SUN5: variants seen among roughly 807,000 people sequenced by gnomAD.
The protein encoded by SUN5 is SUN domain-containing protein 5.
Under a neutral mutation model 53.7 loss-of-function variants are expected in SUN5, and 44 were observed. The observed-to-expected ratio is 0.82, with a 90% CI of 0.64 to 1.05. SUN5 has a LOEUF of 1.05. Ranked by LOEUF, SUN5 falls within the 50% of genes least tolerant of loss-of-function variation. The pLI, the probability that SUN5 is intolerant of heterozygous loss-of-function variation, is 0.00. For synonymous variants in SUN5, 166 were observed against 179.8 expected (o/e 0.92, Z 0.62); for missense variants, 433 against 483.8 (o/e 0.90, Z 0.98).
chr20:33,002,357 ACTC>A (rs1458243782), intron 3 of SUN5, among the ~76,000 whole-genome samples: 14 of 151,686 alleles, frequency 9.2e-5, no homozygotes, highest in African/African-American at 3.4e-4. Context: ...TTGGCAGTTA[ACTC>A]CTCCTCCAGA....
Position 32,989,700 on chromosome 20 carries a change from T to C in SUN5, c.535-2A>G. Reference sequence around the variant, plus strand: ...CATTATTTTCTGGGCCATTTTTTGCTGAAAAGGCAGAAAACACAAGTTGTG... The same window carrying C: ...CATTATTTTCTGGGCCATTTTTTGCCGAAAAGGCAGAAAACACAAGTTGTG... On this transcript the variant is annotated splice_acceptor_variant, in intron 8 of 12. Coordinates refer to ENST00000356173, the MANE Select transcript of SUN5 (RefSeq NM_080675.4). LOFTEE classifies it high-confidence loss of function. 1 of 1,613,908 alleles carries C rather than the reference T, an allele frequency of 6.2e-7. No individual in the cohort carries two copies. Among genetic ancestry groups the C allele is most frequent in the Non-Finnish European group, 8.5e-7 (1 of 1,179,870 alleles).
At chr20:33,000,258 G>C in intron 4 of SUN5, 123 bp from the exon 5 acceptor site, 1 of 1,174,794 alleles carries the variant, frequency 8.5e-7, no homozygotes, top group Non-Finnish European at 1.2e-6. Flanking sequence ...TTCTCTCCCT[G>C]GTAAACGTGT....
At chr20:33,000,843 TAAA>T (rs538864856) in intron 4 of SUN5, among the ~76,000 whole-genome samples, 8 of 107,250 alleles carry the variant, frequency 7.5e-5, no homozygotes, top group African/African-American at 1.6e-4. Context: ...AAACCCTGTC[TAAA>T]AAAAAAAAAA....
chr20:32,988,321 G>C (rs1989604963), intron 9 of SUN5, among the ~76,000 whole-genome samples: 1 of 152,170 alleles, frequency 6.6e-6, no homozygotes, highest in South Asian at 2.1e-4. Flanking sequence ...GCGTCTCACT[G>C]ATCCTGGGGG....
At chr20:33,004,198 A>C in intron 1 of SUN5, 66 bp downstream of exon 1, 1 of 1,460,036 alleles carries the variant, frequency 6.8e-7, no homozygotes, top group Non-Finnish European at 9.2e-7. Context: ...CTCCAAGGAC[A>C]GGGTGGAGGG....
chr20:32,995,575 CAA>C (rs754482834), intron 8 of SUN5, 42 bp downstream of exon 8: 7 of 1,550,284 alleles, frequency 4.5e-6, no homozygotes, highest in Non-Finnish European at 5.3e-6. Flanking sequence ...GGACATCAAA[CAA>C]AGAGAAATTA....
chr20:32,985,279 G>A (rs954287717), intron 11 of SUN5, 94 bp from the exon 12 acceptor site: 5 of 1,138,994 alleles, frequency 4.4e-6, no homozygotes, highest in Non-Finnish European at 6.5e-6. Context: ...CACTCCCCAG[G>A]ATGGGAGCTC....
In SUN5 at chr20:32,989,663, G is replaced by A. The variant is rs150666576; in HGVS notation, c.570C>T (p.His190=). 56 of 1,613,844 alleles carry A rather than the reference G, an allele frequency of 3.5e-5. No individual in the cohort carries two copies. The highest frequency in any genetic ancestry group is 1.6e-4 in the Middle Eastern group (1 of 6,084). ...KMAQKIMKMI[H]GDYIEKPDFA... ...AGTCTGGCTTTTCGATGTAATCTCC[G>A]TGTATCATCTTCATTATTTTCTGGG... The change falls in exon 9 of 13, where the codon CAC becomes CAT. Residue 190 remains histidine (H), a synonymous_variant. Transcript: ENST00000356173.
At chr20:32,990,040 C>G (rs935086918) in intron 8 of SUN5, among the ~76,000 whole-genome samples, 7 of 152,140 alleles carry the variant, frequency 4.6e-5, no homozygotes, top group African/African-American at 1.7e-4. Flanking sequence ...ATATTCTCAC[C>G]TGTAAGACGG....
At chr20:32,995,819 A>C (rs1343033375) in intron 7 of SUN5, 92 bp from the exon 8 acceptor site, 1 of 1,172,350 alleles carries the variant, frequency 8.5e-7, no homozygotes, top group Non-Finnish European at 1.3e-6. Flanking sequence ...GCTCTCAAAG[A>C]ATGAGTTTCA....
At chr20:33,001,185 C>T in intron 4 of SUN5, 27 bp downstream of exon 4, 1 of 1,560,000 alleles carries the variant, frequency 6.4e-7, no homozygotes, top group African/African-American at 1.4e-5. Flanking sequence ...ACTCCCCATC[C>T]ACCCTCCCCC....
intron 7 of SUN5, 106 bp downstream of exon 7, chr20:32,996,218 G>T: frequency 8.5e-7 from 1 of 1,176,534 alleles, no homozygotes; most frequent in Non-Finnish European, 1.2e-6. Context: ...TTTAAACCCA[G>T]GTTGATCTGA....
At chr20:32,997,554 A>C in intron 6 of SUN5, 84 bp downstream of exon 6, 4 of 1,496,518 alleles carry the variant, frequency 2.7e-6, no homozygotes, top group Non-Finnish European at 3.7e-6. Context: ...CCATTTGGTG[A>C]GAATGAATGG....
At chr20:32,999,983 T>C in intron 5 of SUN5, 91 bp downstream of exon 5, 1 of 1,562,378 alleles carries the variant, frequency 6.4e-7, no homozygotes, top group Non-Finnish European at 8.7e-7. Context: ...CTGAGTCACG[T>C]GGCAGTGCAG....
intron 12 of SUN5, 103 bp from the exon 13 acceptor site, chr20:32,984,052 A>C: frequency 1.4e-6 from 2 of 1,402,052 alleles, no homozygotes; most frequent in Non-Finnish European, 1.9e-6. Context: ...TAGGTGGGAA[A>C]ACTAAGGCCC....
intron 5 of SUN5, among the ~76,000 whole-genome samples, chr20:32,999,153 C>CT (rs1171993285): frequency 4.6e-5 from 7 of 152,156 alleles, no homozygotes. Flanking sequence ...GGTTAGGTGT[C>CT]TTGCCTTGTG....
chr20:32,987,650 TC>T lies in SUN5; in HGVS notation c.729+9del, dbSNP rs763144762. 2 of 1,487,202 alleles carry T rather than the reference TC, an allele frequency of 1.3e-6. No homozygotes were observed. Among genetic ancestry groups the T allele is most frequent in the Non-Finnish European group, 9.1e-7 (1 of 1,102,202 alleles). 92.1% of individuals were successfully genotyped at this position (1,487,202 alleles called of 1,614,324 possible). ...CCTGCCGCTGTCCCATCTCCCGCCA[TC>T]CCCCCTGCCTCAAGGATCACGTCTG... On this transcript the variant is annotated intron_variant, in intron 10 of 12. Transcript: ENST00000356173.
rs1367018490 is a variant in SUN5, at chr20:32,989,989, G to A, written c.535-291C>T. On this transcript the variant is annotated intron_variant, in intron 8 of 12. Coordinates refer to ENST00000356173, the MANE Select transcript of SUN5 (RefSeq NM_080675.4). ...CTCTGACGTCAGGCCAACTTTTACT[G>A]TTGTGGGGCCTTGGGCAACTTACTG... 2.0e-5 allele frequency among the ~76,000 whole-genome samples: 3 copies of A among 152,160 alleles called. No individual in the cohort carries two copies. The East Asian group carries it at 5.8e-4, about 29-fold the overall frequency.
At chr20:32,987,563 T>G (rs1600489601) in intron 10 of SUN5, 97 bp downstream of exon 10, 78 of 175,044 alleles carry the variant, frequency 4.5e-4, no homozygotes, top group Middle Eastern at 2.3e-3. Flanking sequence ...CCCCACTCCC[T>G]TTGCTCCCAC....
Sources: allele counts gnomAD v4.1 joint callset (sites outside exome capture counted in the v4.1 genomes callset), GRCh38; gene constraint gnomAD v4.1.1; transcripts MANE v1.5; gene names NCBI Gene and HGNC (gene_info 2026-07-23, HGNC 2026-07-21).